TM9SF4: variants seen among roughly 807,000 people sequenced by gnomAD.
TM9SF4 encodes the protein transmembrane 9 superfamily member 4.
In TM9SF4, 26 loss-of-function variants were observed where a neutral mutation model predicts 90.4. That is an observed-to-expected ratio of 0.29 (90% CI 0.21 to 0.40). TM9SF4 has a LOEUF of 0.40. Among genes scored for constraint, TM9SF4 ranks in the 10% least tolerant of loss-of-function variants. The probability of loss-of-function intolerance (pLI) is 1.00; values close to 1 mark genes in which losing one functional copy is unlikely to be tolerated. For missense variants in TM9SF4, 549 were observed against 834.8 expected, an observed-to-expected ratio of 0.66 and a Z score of 4.22; for synonymous variants, 293 against 315.4, an observed-to-expected ratio of 0.93 and a Z score of 0.75.
chr20:32,139,277 G>A (rs138088254), intron 3 of TM9SF4, among the ~76,000 whole-genome samples: 1 of 152,192 alleles, frequency 6.6e-6, no homozygotes. Context: ...CTCAGATCTT[G>A]ATATCTAAGT....
At chr20:32,128,790 CTGTGTG>C (rs55977888) in intron 1 of TM9SF4, among the ~76,000 whole-genome samples, 53,057 of 145,224 alleles carry the variant, frequency 0.37, 10,454 homozygotes, top group East Asian at 0.73. Context: ...GTATTCCATT[CTGTGTG>C]TGTGTGTGTG....
chr20:32,145,451 G>C (rs2046750068), intron 8 of TM9SF4, 28 bp downstream of exon 8: 1 of 1,600,730 alleles, frequency 6.2e-7, no homozygotes, highest in Non-Finnish European at 8.6e-7. Context: ...TGAGGGAAAG[G>C]GGATGGGGGT....
intron 12 of TM9SF4, among the ~76,000 whole-genome samples, chr20:32,154,188 T>G (rs2046883744): frequency 6.6e-6 from 1 of 152,128 alleles, no homozygotes; most frequent in East Asian, 1.9e-4. Flanking sequence ...CTTGCTCTAT[T>G]ACCCAGGCTG....
chr20:32,160,201 G>A (rs1304259608), intron 16 of TM9SF4, 90 bp downstream of exon 16: 41 of 1,569,776 alleles, frequency 2.6e-5, no homozygotes, highest in Non-Finnish European at 3.5e-5. Context: ...GCTGGGTCTG[G>A]GCTCTTCATG....
chr20:32,131,481 A>AGTGTGTGTGTGTGT (rs10524812), intron 1 of TM9SF4, among the ~76,000 whole-genome samples: 137 of 147,660 alleles, frequency 9.3e-4, no homozygotes, highest in African/African-American at 3.1e-3. Context: ...GAGTCATCAG[A>AGTGTGTGTGTGTGT]GTGTGTGTGT....
At chr20:32,154,457 T>G (rs1335470146) in intron 12 of TM9SF4, among the ~76,000 whole-genome samples, 1 of 151,920 alleles carries the variant, frequency 6.6e-6, no homozygotes, top group Non-Finnish European at 1.5e-5. Context: ...AACGTGTTCT[T>G]TTTTTCTTTT....
chr20:32,153,731 G>A (rs2046876464), intron 12 of TM9SF4, among the ~76,000 whole-genome samples: 1 of 151,960 alleles, frequency 6.6e-6, no homozygotes, highest in African/African-American at 2.4e-5. Context: ...GTGACAGAGT[G>A]AGACCCTGTC....
intron 1 of TM9SF4, among the ~76,000 whole-genome samples, chr20:32,128,408 T>C (rs1251414231): frequency 2.6e-5 from 4 of 152,208 alleles, no homozygotes; most frequent in Admixed American, 6.5e-5. Context: ...ATGCAGGTTC[T>C]AGGGTAGGGC....
At chr20:32,154,652 C>G (rs1397415311) in intron 12 of TM9SF4, among the ~76,000 whole-genome samples, 1 of 152,072 alleles carries the variant, frequency 6.6e-6, no homozygotes, top group East Asian at 1.9e-4. Flanking sequence ...GGAGTTTCGC[C>G]ATGTGGGCCA....
chr20:32,137,898 G>A (rs2046617029), intron 3 of TM9SF4, among the ~76,000 whole-genome samples: 1 of 152,168 alleles, frequency 6.6e-6, no homozygotes, highest in Non-Finnish European at 1.5e-5. Context: ...GGCACAAGGA[G>A]GTGAAGTCAC....
intron 3 of TM9SF4, among the ~76,000 whole-genome samples, chr20:32,138,908 C>T (rs2046632098): frequency 1.3e-5 from 2 of 152,290 alleles, no homozygotes; most frequent in South Asian, 2.1e-4. Context: ...CATATCACCA[C>T]GAGCAGGTCT....
chr20:32,156,535 A>ATG (rs2046923468), intron 13 of TM9SF4, among the ~76,000 whole-genome samples: 1 of 152,236 alleles, frequency 6.6e-6, no homozygotes, highest in African/African-American at 2.4e-5. Context: ...ATTACTTAAA[A>ATG]TACCTAATAC....
chr20:32,121,831 G>A (rs2046313358), intron 1 of TM9SF4, among the ~76,000 whole-genome samples: 1 of 150,556 alleles, frequency 6.6e-6, no homozygotes, highest in Non-Finnish European at 1.5e-5. Flanking sequence ...CGGGCGGGGG[G>A]CTGAACCCCC....
rs985942492 is a variant in TM9SF4 at position 32,165,262 on chromosome 20, T to A, written c.1780-33T>A. 6 of 1,613,380 alleles carry A rather than the reference T, an allele frequency of 3.7e-6. No homozygotes were observed. The African/African-American group carries it at 8.0e-5, about 22-fold the overall frequency. ...TCGCCATGCAGCCTGGCACTAAGCA[T>A]GCACCCTGTCTTCTTTCTGCTCGTG... On this transcript the variant is annotated intron_variant, in intron 17 of 17. Coordinates refer to ENST00000398022, the MANE Select transcript of TM9SF4 (RefSeq NM_014742.4).
intron 9 of TM9SF4, among the ~76,000 whole-genome samples, chr20:32,148,806 G>T (rs1192960922): frequency 1.3e-5 from 2 of 151,952 alleles, no homozygotes; most frequent in African/African-American, 2.4e-5. Flanking sequence ...GAGTAGCTGG[G>T]ACTACAGGCG....
At chr20:32,132,537 G>A (rs2046535135) in intron 1 of TM9SF4, among the ~76,000 whole-genome samples, 1 of 152,212 alleles carries the variant, frequency 6.6e-6, no homozygotes, top group African/African-American at 2.4e-5. Flanking sequence ...GCTGAGCTGA[G>A]CGAGGAGGAG....
Position 32,150,869 on chromosome 20 carries a change from C to G in TM9SF4, c.1239C>G (p.Ala413=). Residue 413 remains alanine (A), a synonymous_variant, in exon 12 of 18, where the codon GCC becomes GCG. Coordinates refer to ENST00000398022, the MANE Select transcript of TM9SF4 (RefSeq NM_014742.4). ...AAGGCCATCGGTGGAAGAAAGGAGC[C>G]TTCTGTGTGAGTGTCCTAAACCTTC... The part of the protein sequence containing the change: ...TLKGHRWKKG[A]FCTATLYPGV... 2 of 1,614,174 alleles carry G rather than the reference C, an allele frequency of 1.2e-6. No individual in the cohort carries two copies. The highest frequency in any genetic ancestry group is 1.7e-4 in the Middle Eastern group (1 of 6,060).
chr20:32,136,495 C>T (rs141739006), intron 3 of TM9SF4, among the ~76,000 whole-genome samples: 152 of 152,166 alleles, frequency 1.0e-3, no homozygotes, highest in African/African-American at 3.3e-3. Flanking sequence ...CTATTTACAC[C>T]GCCTCTTCTT....
At position 32,157,698 on chromosome 20, in the gene TM9SF4, C is replaced by G; in HGVS notation, c.1330-96C>G. ...TGTGCTTCTGCTGCACAAGTCGCCT[C>G]TCCTTCTGTGGAGCCCAGAAGGTCC... On this transcript the variant is annotated intron_variant, in intron 13 of 17. Transcript: ENST00000398022. The G allele has an allele frequency of 2.0e-6, 3 of 1,488,604 alleles. No homozygotes were observed. In the South Asian group the frequency reaches 3.9e-5, roughly 19 times the overall value. 92.2% of individuals were successfully genotyped at this position (1,488,604 alleles called of 1,614,324 possible).
Sources: gnomAD v4.1 joint callset for allele counts (sites outside exome capture counted in the v4.1 genomes callset) on GRCh38, gnomAD v4.1.1 for gene constraint, MANE v1.5 for transcripts, NCBI Gene and HGNC (gene_info 2026-07-23, HGNC 2026-07-21) for gene names.